NEB: variants seen among roughly 807,000 people sequenced by gnomAD.
NEB encodes nebulin.
A neutral mutation model predicts 952.2 loss-of-function variants in NEB; 512 were observed. That is an observed-to-expected ratio of 0.54 (90% CI 0.50 to 0.58). The LOEUF (loss-of-function observed/expected upper bound fraction) is 0.58, where lower values mean the gene tolerates loss of function less well. Among genes scored for constraint, NEB ranks in the 20% least tolerant of loss-of-function variants. The pLI, the probability that NEB is intolerant of heterozygous loss-of-function variation, is 0.00. For missense variants in NEB, 8,428 were observed against 9,231.1 expected, an observed-to-expected ratio of 0.91 and a Z score of 3.56; for synonymous variants, 2,900 against 3,149.8, an observed-to-expected ratio of 0.92 and a Z score of 2.66.
chr2:151,614,164 A>G, intron 77 of NEB, 112 bp downstream of exon 77: 2 of 1,227,358 alleles, frequency 1.6e-6, no homozygotes, highest in Non-Finnish European at 2.3e-6. Flanking sequence ...ATTTCAGAAC[A>G]TTATCCTAAA....
At chr2:151,634,936 G>C (rs1226896946) in intron 64 of NEB, among the ~76,000 whole-genome samples, 2 of 152,106 alleles carry the variant, frequency 1.3e-5, no homozygotes, top group East Asian at 3.9e-4. Context: ...TGGAATCTAA[G>C]CCAGTTATCC....
intron 142 of NEB, among the ~76,000 whole-genome samples, chr2:151,534,701 C>T (rs1419764107): frequency 6.6e-6 from 1 of 152,214 alleles, no homozygotes; most frequent in East Asian, 1.9e-4. Flanking sequence ...GATGCTAAAA[C>T]ATCCACGGGA....
intron 29 of NEB, 107 bp downstream of exon 29, chr2:151,682,555 A>G: frequency 1.1e-6 from 1 of 943,630 alleles, no homozygotes; most frequent in Admixed American, 2.5e-5. Flanking sequence ...TCTTTTCCTC[A>G]GCAACAGTGA....
chr2:151,497,394 A>T lies in NEB; in HGVS notation c.24300+232T>A, dbSNP rs189541337. ...CACAAACTGAAAAACTCATTATTTT[A>T]AAAAAAAGATTGAAAATACCAGATG... is the stretch of plus-strand genomic sequence containing the variant. On this transcript the variant is annotated intron_variant, in intron 171 of 181. Coordinates refer to ENST00000397345, the MANE Select transcript of NEB (RefSeq NM_001164508.2). 5.6e-4 allele frequency: 548 copies of T among 971,862 alleles called. 8 individuals are homozygous for T. The South Asian group carries it at 0.013, about 23-fold the overall frequency. The allele number at this position is 971,862 out of a possible 1,614,324, so 60.2% of individuals were successfully genotyped here.
intron 142 of NEB, 43 bp downstream of exon 142, chr2:151,535,648 G>C: frequency 8.1e-7 from 1 of 1,235,986 alleles, no homozygotes. Flanking sequence ...GACTTCTTTA[G>C]GGAATTGAAT....
At chr2:151,634,893 T>C (rs1162736863) in intron 64 of NEB, among the ~76,000 whole-genome samples, 1 of 152,214 alleles carries the variant, frequency 6.6e-6, no homozygotes, top group Admixed American at 6.5e-5. Flanking sequence ...GTATCAACAA[T>C]GTTTTTATTA....
At chr2:151,525,139 A>C in intron 151 of NEB, 24 bp downstream of exon 151, 2 of 1,536,994 alleles carry the variant, frequency 1.3e-6, no homozygotes, top group Non-Finnish European at 1.8e-6. Flanking sequence ...TGGGCCCCCA[A>C]GAGTGTTGAG....
intron 159 of NEB, 27 bp downstream of exon 159, chr2:151,514,291 C>T (rs1389306404): frequency 7.5e-6 from 11 of 1,469,872 alleles, no homozygotes; most frequent in African/African-American, 5.6e-5. Context: ...GTATGAATTA[C>T]GTGCAGGCAG....
chr2:151,512,865 A>G, intron 160 of NEB, 28 bp from the exon 161 acceptor site: 4 of 1,486,466 alleles, frequency 2.7e-6, no homozygotes, highest in Non-Finnish European at 3.7e-6. Context: ...ATAGTTGGGT[A>G]AATGTTTGCA....
intron 161 of NEB, among the ~76,000 whole-genome samples, chr2:151,511,658 C>T (rs1354976220): frequency 6.6e-6 from 1 of 152,204 alleles, no homozygotes; most frequent in Non-Finnish European, 1.5e-5. Context: ...AAACAAATTG[C>T]AGACTCCTGA....
chr2:151,639,080 T>C (rs1560817754), intron 63 of NEB, among the ~76,000 whole-genome samples, 200 bp downstream of exon 63: 1 of 152,246 alleles, frequency 6.6e-6, no homozygotes, highest in South Asian at 2.1e-4. Context: ...AATTAGTTCA[T>C]GTCATTTGTA....
chr2:151,540,266 G>T, intron 138 of NEB, 78 bp downstream of exon 138: 1 of 861,286 alleles, frequency 1.2e-6, no homozygotes, highest in Non-Finnish European at 1.8e-6. Flanking sequence ...GGATATGGCT[G>T]AAATATGTTA....
At chr2:151,654,129 T>A in intron 51 of NEB, 30 bp from the exon 52 acceptor site, 1 of 1,437,644 alleles carries the variant, frequency 7.0e-7, no homozygotes, top group Non-Finnish European at 9.6e-7. Context: ...TTCAGCATTA[T>A]TCTGTCTATA....
rs1361382479 is a variant in NEB at position 151,640,432 on chromosome 2, A to G, written c.8608T>C (p.Tyr2870His). The G allele has an allele frequency of 1.2e-6, 2 of 1,613,976 alleles. No homozygotes were observed. The highest frequency in any genetic ancestry group is 1.6e-4 in the Middle Eastern group (1 of 6,062). Residue 2870 changes from tyrosine (Y) to histidine (H), a missense_variant, in exon 61 of 182, where the codon TAC (tyrosine) becomes CAC (histidine). Coordinates refer to ENST00000397345, the MANE Select transcript of NEB (RefSeq NM_001164508.2). ...TLVSDVDYKN[Y>H]LHQWTCLPDQ... ...GGCAGGCATGTCCACTGGTGCAGGT[A>G]GTTCTTGTAGTCCACATCGCTGACT...
In NEB at chr2:151,725,549, C is replaced by G. The variant is rs751951834; in HGVS notation, c.306G>C (p.Lys102Asn). 1.9e-6 allele frequency: 3 copies of G among 1,612,918 alleles called. No individual in the cohort carries two copies. The African/African-American group carries it at 4.0e-5, about 22-fold the overall frequency. The change falls in exon 6 of 182, where the codon AAG becomes AAC. Residue 102 changes from lysine to asparagine, a missense_variant. Around this residue, in one of 11 missense-constraint regions of NEB, gnomAD observed 2,851 missense variants for 2,791.5 expected, o/e 1.02. Coordinates refer to ENST00000397345, the MANE Select transcript of NEB (RefSeq NM_001164508.2). ...MQDLFSPNKY[K>N]EKFEKTKGQP... ...GTCCTTTTGTTTTCTCAAACTTCTC[C>G]TTGTATTTATTCTGAAAAGAATATC... is the stretch of plus-strand genomic sequence containing the variant.
intron 161 of NEB, among the ~76,000 whole-genome samples, chr2:151,509,889 C>G (rs942552212): frequency 6.6e-6 from 1 of 152,128 alleles, no homozygotes; most frequent in South Asian, 2.1e-4. Context: ...ATTACAGGCG[C>G]GAGCCACTGC....
intron 173 of NEB, among the ~76,000 whole-genome samples, chr2:151,494,756 C>A (rs1318304699): frequency 1.3e-5 from 2 of 152,198 alleles, no homozygotes; most frequent in Non-Finnish European, 2.9e-5. Flanking sequence ...TCAAGTGATT[C>A]TTCTGCCTCA....
intron 38 of NEB, 22 bp downstream of exon 38, chr2:151,671,001 A>G (rs757391972): frequency 7.9e-5 from 127 of 1,603,884 alleles, no homozygotes; most frequent in Non-Finnish European, 1.1e-4. Flanking sequence ...CGGGCAAATC[A>G]TTTTGAAAGG....
chr2:151,554,023 G>C lies in NEB; in HGVS notation c.19431C>G (p.Arg6477=), dbSNP rs991196845. 3.7e-6 allele frequency: 6 copies of C among 1,613,470 alleles called. No individual in the cohort carries two copies. Among genetic ancestry groups the C allele is most frequent in the Non-Finnish European group, 5.1e-6 (6 of 1,179,534 alleles). Reference sequence around the variant, plus strand: ...TCTTTTCATAAACTGATCTGTACAGGCGCTGTAAAGTTAAAATCACATGCC... The same window carrying C: ...TCTTTTCATAAACTGATCTGTACAGCCGCTGTAAAGTTAAAATCACATGCC... ...CLRVGKLNID[R]LYRSVYEKNK... The change falls in exon 126 of 182, where the codon CGC becomes CGG. Residue 6477 remains arginine, a splice_region_variant and synonymous_variant. Transcript: ENST00000397345.
Sources: allele counts gnomAD v4.1 joint callset (sites outside exome capture counted in the v4.1 genomes callset), GRCh38; gene constraint gnomAD v4.1.1; regional missense constraint gnomAD v4.1.1; transcripts MANE v1.5; gene names NCBI Gene and HGNC (gene_info 2026-07-23, HGNC 2026-07-21).